The following PTCHD1 variants were observed in gnomAD, a reference collection of about 807,000 sequenced individuals.
PTCHD1 encodes the protein patched domain containing 1, also known as patched domain-containing protein 1.
In PTCHD1, 3 loss-of-function variants were observed where a neutral mutation model predicts 34.6. That is an observed-to-expected ratio of 0.09 (90% CI 0.04 to 0.22). The LOEUF (loss-of-function observed/expected upper bound fraction) is 0.22, where lower values mean the gene tolerates loss of function less well. PTCHD1 is among the 10% of genes least tolerant of loss of function. The probability of loss-of-function intolerance (pLI) is 1.00; values close to 1 mark genes in which losing one functional copy is unlikely to be tolerated. For missense variants in PTCHD1, 504 were observed against 685.5 expected, an observed-to-expected ratio of 0.74 and a Z score of 2.96; for synonymous variants, 305 against 283.1, an observed-to-expected ratio of 1.08 and a Z score of -0.77.
chrX:23,388,878 CAT>C (rs1161165949), intron 2 of PTCHD1, among the ~76,000 whole-genome samples: 1 of 111,403 alleles, frequency 9.0e-6, no homozygotes, highest in East Asian at 2.8e-4. Flanking sequence ...AGGAGGTAGC[CAT>C]CCACTGAAAG....
intron 1 of PTCHD1, among the ~76,000 whole-genome samples, chrX:23,345,861 G>A (rs1156251667): frequency 8.9e-6 from 1 of 111,775 alleles, no homozygotes. Context: ...TCTACAAAGG[G>A]TATTAAATAA....
At position 23,342,973 on chromosome X, in the gene PTCHD1, A is replaced by G. The variant is rs149339469; in HGVS notation, c.351+7747A>G. ...TGTGATCGTTTCTCTTAAGAGAGGT[A>G]ATGAACTCTTCAGGGGCAGGAACAA... is the stretch of plus-strand genomic sequence containing the variant. On this transcript the variant is annotated intron_variant, in intron 1 of 2. Transcript: ENST00000379361. 6.0e-3 allele frequency among the ~76,000 whole-genome samples: 671 copies of G among 112,260 alleles called. 2 individuals are homozygous for G. Among genetic ancestry groups the G allele is most frequent in the Middle Eastern group, 0.023 (5 of 218 alleles).
intron 1 of PTCHD1, 72 bp downstream of exon 1, chrX:23,335,298 C>A: frequency 2.3e-6 from 2 of 884,131 alleles, no homozygotes; most frequent in Admixed American, 4.9e-5. Context: ...GCGCTGGGGT[C>A]CCGGCTGAGA....
chrX:23,389,800 C>T (rs1042606325), intron 2 of PTCHD1, among the ~76,000 whole-genome samples: 4 of 111,628 alleles, frequency 3.6e-5, no homozygotes, highest in Non-Finnish European at 3.8e-5. Context: ...TGCCCCCAAA[C>T]CAAGAACATA....
At chrX:23,353,993 C>T (rs761904463) in intron 1 of PTCHD1, among the ~76,000 whole-genome samples, 9 of 111,388 alleles carry the variant, frequency 8.1e-5, no homozygotes, top group South Asian at 3.9e-4. Flanking sequence ...TCTTCTGGGA[C>T]GCTTTTTAAA....
chrX:23,343,923 G>A (rs943769808), intron 1 of PTCHD1, among the ~76,000 whole-genome samples: 5 of 112,471 alleles, frequency 4.4e-5, no homozygotes, highest in Non-Finnish European at 9.4e-5. Flanking sequence ...TGAGGTTTGA[G>A]TTGTTGGATT....
At chrX:23,357,824 C>T (rs758560079) in intron 1 of PTCHD1, among the ~76,000 whole-genome samples, 11 of 111,196 alleles carry the variant, frequency 9.9e-5, no homozygotes, top group African/African-American at 3.6e-4. Flanking sequence ...TCCCACCCCA[C>T]GACAGGCCCT....
intron 2 of PTCHD1, among the ~76,000 whole-genome samples, chrX:23,388,382 A>G (rs766782525): frequency 2.7e-5 from 3 of 112,764 alleles, no homozygotes; most frequent in African/African-American, 9.6e-5. Flanking sequence ...CAAAGCAAAC[A>G]GCAGTACTTT....
At chrX:23,384,326 G>A (rs890968124) in intron 2 of PTCHD1, among the ~76,000 whole-genome samples, 15 of 112,105 alleles carry the variant, frequency 1.3e-4, no homozygotes, top group Non-Finnish European at 7.5e-5. Flanking sequence ...AAATGTTTGG[G>A]ATTTTGAGGT....
chrX:23,374,102 G>T, intron 1 of PTCHD1, among the ~76,000 whole-genome samples: 1 of 108,980 alleles, frequency 9.2e-6, no homozygotes, highest in East Asian at 2.9e-4. Flanking sequence ...ACTCCCACTG[G>T]AGGTGACTGG....
At chrX:23,360,860 A>T (rs775098402) in intron 1 of PTCHD1, among the ~76,000 whole-genome samples, 1 of 111,976 alleles carries the variant, frequency 8.9e-6, no homozygotes, top group Non-Finnish European at 1.9e-5. Context: ...CTTTGTTCTC[A>T]TTGGTTTCAA....
chrX:23,347,142 T>G (rs1921498364), intron 1 of PTCHD1, among the ~76,000 whole-genome samples: 1 of 111,219 alleles, frequency 9.0e-6, no homozygotes, highest in Admixed American at 9.6e-5. Flanking sequence ...TAAGAGTTGG[T>G]GGGGGGAGAG....
chrX:23,370,343 C>T (rs927925192), intron 1 of PTCHD1, among the ~76,000 whole-genome samples: 2 of 111,858 alleles, frequency 1.8e-5, no homozygotes, highest in African/African-American at 3.3e-5. Flanking sequence ...CCAGAAGGGT[C>T]GAGGCCTTTG....
In PTCHD1 at chrX:23,380,227, C is replaced by T. The variant is rs140336038; in HGVS notation, c.988C>T (p.Leu330=). Residue 330 remains leucine (L), a synonymous_variant, in exon 2 of 3, where the codon CTG becomes TTG. Transcript: ENST00000379361. The part of the protein sequence containing the change: ...LTGGKYNSTF[L]GVPFVMLGHG... The stretch of plus-strand genomic sequence containing the variant: ...TGGTGGGAAATATAATTCCACCTTC[C>T]TGGGAGTCCCTTTCGTCATGCTAGG... The T allele has an allele frequency of 3.5e-5, 42 of 1,208,441 alleles. No individual in the cohort carries two copies. The highest frequency in any genetic ancestry group is 4.6e-5 in the Non-Finnish European group (41 of 894,304).
chrX:23,377,624 A>C (rs1399194141), intron 1 of PTCHD1, among the ~76,000 whole-genome samples: 1 of 105,849 alleles, frequency 9.4e-6, no homozygotes, highest in African/African-American at 3.5e-5. Flanking sequence ...GTGTGTTTAC[A>C]TATTTATATA....
intron 1 of PTCHD1, chrX:23,351,393 G>A: frequency 1.6e-6 from 1 of 637,035 alleles, no homozygotes; most frequent in Non-Finnish European, 2.6e-6. Flanking sequence ...ATATGTTTCT[G>A]AAATGGTACG....
In PTCHD1 at chrX:23,398,475, G is replaced by C. The variant is rs1323281505; in HGVS notation, c.*4290G>C. On this transcript the variant is annotated 3_prime_UTR_variant, in exon 3 of 3. Transcript: ENST00000379361. ...ATACAGGCACTTGCTTTTGGGGATGGGGAAGGGACACCACTGATTACTGAA... is the reference window on the plus strand; with the variant it reads ...ATACAGGCACTTGCTTTTGGGGATGCGGAAGGGACACCACTGATTACTGAA... The C allele has an allele frequency of 9.0e-6, 1 of 111,303 alleles. No individual in the cohort carries two copies. Among genetic ancestry groups the C allele is most frequent in the Non-Finnish European group, 1.9e-5 (1 of 53,075 alleles). The allele number at this position is 111,303 out of a possible 1,213,427, so 9.2% of individuals were successfully genotyped here.
chrX:23,338,268 C>T (rs1004418485), intron 1 of PTCHD1, among the ~76,000 whole-genome samples: 2 of 112,171 alleles, frequency 1.8e-5, no homozygotes, highest in Non-Finnish European at 3.8e-5. Flanking sequence ...ACATGCTGCT[C>T]TTCAAACATC....
At chrX:23,361,444 C>T (rs1313216151) in intron 1 of PTCHD1, among the ~76,000 whole-genome samples, 1 of 111,439 alleles carries the variant, frequency 9.0e-6, no homozygotes, top group Non-Finnish European at 1.9e-5. Context: ...GGTTTAAAGT[C>T]TGTTTTATCA....
Sources: gnomAD v4.1 joint callset for allele counts (sites outside exome capture counted in the v4.1 genomes callset) on GRCh38, gnomAD v4.1.1 for gene constraint, MANE v1.5 for transcripts, NCBI Gene and HGNC (gene_info 2026-07-23, HGNC 2026-07-21) for gene names.